The following PROK1 variants were observed in gnomAD, a reference collection of about 807,000 sequenced individuals.
PROK1 encodes prokineticin 1.
PROK1 carries 10 observed loss-of-function variants against 8.8 expected under a neutral mutation model. The observed-to-expected ratio is 1.13, with a 90% confidence interval of 0.70 to 1.92. The LOEUF (loss-of-function observed/expected upper bound fraction) is 1.92. Ranked by LOEUF, PROK1 falls within the 30% of genes most tolerant of loss-of-function variation. The pLI is 0.00. For synonymous variants in PROK1, 57 were observed against 56.0 expected, an observed-to-expected ratio of 1.02 and a Z score of -0.08; for missense variants, 140 against 139.7, an observed-to-expected ratio of 1.00 and a Z score of -0.01.
Position 110,456,597 on chromosome 1 carries a change from T to G in PROK1, c.*246T>G. ...TGAAAGGTGGCCAGCCTGGTTCTCTTCCCTGCTCAGGCTGCCAGAGAGGTG... is the reference window on the plus strand; with the variant it reads ...TGAAAGGTGGCCAGCCTGGTTCTCTGCCCTGCTCAGGCTGCCAGAGAGGTG... On this transcript the variant is annotated 3_prime_UTR_variant, in exon 3 of 3. Coordinates refer to ENST00000271331, the MANE Select transcript of PROK1 (RefSeq NM_032414.3). 3 of 539,452 alleles carry G rather than the reference T, an allele frequency of 5.6e-6. No homozygotes were observed. The highest frequency in any genetic ancestry group is 2.9e-5 in the Admixed American group (1 of 34,612). The allele number at this position is 539,452 out of a possible 1,614,324, so 33.4% of individuals were successfully genotyped here. A position where few individuals can be genotyped will look rare whatever the true frequency, so the allele number is the denominator to read the frequency against.
intron 2 of PROK1, among the ~76,000 whole-genome samples, chr1:110,455,667 T>A (rs72975135): frequency 6.6e-6 from 1 of 152,214 alleles, no homozygotes; most frequent in South Asian, 2.1e-4. Flanking sequence ...ATTTTACAAA[T>A]GATAAAGCTG....
intron 1 of PROK1, among the ~76,000 whole-genome samples, chr1:110,453,384 A>C (rs897238987): frequency 1.3e-5 from 2 of 152,308 alleles, no homozygotes; most frequent in Non-Finnish European, 2.9e-5. Flanking sequence ...TCTGGGAATC[A>C]TGGAAGTCAG....
intron 2 of PROK1, among the ~76,000 whole-genome samples, 160 bp from the exon 3 acceptor site, chr1:110,456,063 ACCTCGGTTT>A (rs1450645570): frequency 6.6e-6 from 1 of 152,136 alleles, no homozygotes; most frequent in Non-Finnish European, 1.5e-5. Context: ...GCCACACCGT[ACCTCGGTTT>A]CCTCATCTCT....
Position 110,456,443 on chromosome 1 carries a change from C to A in PROK1, c.*92C>A. On this transcript the variant is annotated 3_prime_UTR_variant, in exon 3 of 3. Transcript: ENST00000271331. ...CATGAAACCCAGCTCCCATGACTCT[C>A]CCAGTCCCTACACTGACTACCCTGA... is the stretch of plus-strand genomic sequence containing the variant. 1 of 1,509,782 alleles carries A rather than the reference C, an allele frequency of 6.6e-7. No individual in the cohort carries two copies. Among genetic ancestry groups the A allele is most frequent in the Non-Finnish European group, 9.1e-7 (1 of 1,097,510 alleles). 93.5% of individuals were successfully genotyped at this position (1,509,782 alleles called of 1,614,324 possible).
Position 110,451,227 on chromosome 1 carries a change from C to A in PROK1, c.11C>A (p.Ala4Asp). The stretch of plus-strand genomic sequence containing the variant: ...TCACCCCAAGTGACCATGAGAGGTG[C>A]CACGCGAGTCTCAATCATGCTCCTC... MRG[A>D]TRVSIMLLLV... Residue 4 changes from alanine to aspartate, a missense_variant, in exon 1 of 3, where the codon GCC becomes GAC. Physicochemically the swap from Ala to Asp is moderately radical, Grantham distance 126. Coordinates refer to ENST00000271331, the MANE Select transcript of PROK1 (RefSeq NM_032414.3). 1 of 1,614,128 alleles carries A rather than the reference C, an allele frequency of 6.2e-7. No homozygotes were observed. Among genetic ancestry groups the A allele is most frequent in the South Asian group, 1.1e-5 (1 of 91,082 alleles).
rs1276984331 is a variant in PROK1, at chr1:110,454,038, C to T, written c.150C>T (p.Cys50=). ...TGTGGCTTCGAGGGCTGCGGATGTG[C>T]ACCCCGCTGGGGCGGGAAGGCGAGG... ...ISLWLRGLRM[C]TPLGREGEEC... is the part of the protein sequence containing the mutation. Residue 50 remains cysteine (C), a synonymous_variant, in exon 2 of 3, where the codon TGC becomes TGT. Coordinates refer to ENST00000271331, the MANE Select transcript of PROK1 (RefSeq NM_032414.3). The T allele has an allele frequency of 4.3e-6, 7 of 1,614,108 alleles. No homozygotes were observed. Among genetic ancestry groups the T allele is most frequent in the Non-Finnish European group, 5.1e-6 (6 of 1,180,008 alleles).
chr1:110,451,338 G>C, intron 1 of PROK1, 50 bp downstream of exon 1: 2 of 1,530,910 alleles, frequency 1.3e-6, no homozygotes, highest in Non-Finnish European at 1.8e-6. Flanking sequence ...AGATGTCAGG[G>C]TCTGCACGGG....
At chr1:110,454,131 T>C (rs1262655221) in intron 2 of PROK1, 45 bp downstream of exon 2, 5 of 1,602,664 alleles carry the variant, frequency 3.1e-6, no homozygotes, top group Non-Finnish European at 4.3e-6. Flanking sequence ...GGGTGGGCCA[T>C]GCGGGGAGCA....
At chr1:110,451,583 A>C (rs899809784) in intron 1 of PROK1, among the ~76,000 whole-genome samples, 1 of 152,216 alleles carries the variant, frequency 6.6e-6, no homozygotes, top group Non-Finnish European at 1.5e-5. Context: ...GAAGATTCCT[A>C]TTAAGTAATA....
chr1:110,456,112 T>G, intron 2 of PROK1, 120 bp from the exon 3 acceptor site: 1 of 1,067,250 alleles, frequency 9.4e-7, no homozygotes, highest in Non-Finnish European at 1.4e-6. Context: ...CTAGGTGCAG[T>G]GGAGAAGTGG....
intron 2 of PROK1, among the ~76,000 whole-genome samples, chr1:110,455,975 A>G (rs1026277790): frequency 9.8e-5 from 15 of 152,304 alleles, no homozygotes; most frequent in Admixed American, 3.3e-4. Flanking sequence ...ATGTGTGCTG[A>G]GTCTCCAGAG....
At chr1:110,452,679 G>A (rs1156929202) in intron 1 of PROK1, among the ~76,000 whole-genome samples, 1 of 152,212 alleles carries the variant, frequency 6.6e-6, no homozygotes, top group Non-Finnish European at 1.5e-5. Context: ...GAACAGGGCA[G>A]TAAGGGGAAG....
At chr1:110,454,864 G>A (rs1002080703) in intron 2 of PROK1, among the ~76,000 whole-genome samples, 1 of 152,210 alleles carries the variant, frequency 6.6e-6, no homozygotes, top group Non-Finnish European at 1.5e-5. Context: ...GGACACAAAA[G>A]TAGACCCACA....
chr1:110,456,409 T>C lies in PROK1; in HGVS notation c.*58T>C, dbSNP rs1664174551. On this transcript the variant is annotated 3_prime_UTR_variant, in exon 3 of 3. Transcript: ENST00000271331. The stretch of plus-strand genomic sequence containing the variant: ...TTTTCCTGAGCACAGCCTGGATTTT[T>C]ATTTCTGCCATGAAACCCAGCTCCC... 20 of 1,608,138 alleles carry C rather than the reference T, an allele frequency of 1.2e-5. No homozygotes were observed. The South Asian group carries it at 2.1e-4, about 17-fold the overall frequency.
At position 110,456,498 on chromosome 1, in the gene PROK1, A is replaced by G. The variant is rs1281014430; in HGVS notation, c.*147A>G. On this transcript the variant is annotated 3_prime_UTR_variant, in exon 3 of 3. Coordinates refer to ENST00000271331, the MANE Select transcript of PROK1 (RefSeq NM_032414.3). ...TCTTGTCTAGTACGCACATATGCAC[A>G]CAGGCAGACATACCTCCCATCATGA... 1 of 970,562 alleles carries G rather than the reference A, an allele frequency of 1.0e-6. No individual in the cohort carries two copies. Among genetic ancestry groups the G allele is most frequent in the Non-Finnish European group, 1.6e-6 (1 of 627,948 alleles). The allele number at this position is 970,562 out of a possible 1,614,324, so 60.1% of individuals were successfully genotyped here.
At chr1:110,452,331 T>C (rs1196291525) in intron 1 of PROK1, among the ~76,000 whole-genome samples, 1 of 152,248 alleles carries the variant, frequency 6.6e-6, no homozygotes. Context: ...CAAATGCTTT[T>C]GAGATCCAAA....
chr1:110,456,138 T>G, intron 2 of PROK1, 94 bp from the exon 3 acceptor site: 2 of 1,386,786 alleles, frequency 1.4e-6, no homozygotes, highest in Non-Finnish European at 2.0e-6. Flanking sequence ...GGTGTGGGGG[T>G]GAGACTTTTG....
In PROK1 at chr1:110,455,194, A is replaced by G. The variant is rs61784664; in HGVS notation, c.199-1038A>G. Reference sequence around the variant, plus strand: ...AATTAGGGCATTTCCACAGGCTCTCAGGTGACTTGCTTTCCTCCCTGGGCC... The same window carrying G: ...AATTAGGGCATTTCCACAGGCTCTCGGGTGACTTGCTTTCCTCCCTGGGCC... On this transcript the variant is annotated intron_variant, in intron 2 of 2. Transcript: ENST00000271331. 5.1e-3 allele frequency among the ~76,000 whole-genome samples: 782 copies of G among 152,348 alleles called. 5 individuals are homozygous for G. The highest frequency in any genetic ancestry group is 0.011 in the Admixed American group (171 of 15,304).
Position 110,456,341 on chromosome 1 carries a change from T to C in PROK1, c.308T>C (p.Ile103Thr). 1.9e-6 allele frequency: 3 copies of C among 1,614,018 alleles called. No homozygotes were observed. The highest frequency in any genetic ancestry group is 2.5e-6 in the Non-Finnish European group (3 of 1,180,032). Residue 103 changes from isoleucine (I) to threonine (T), a missense_variant, in exon 3 of 3, where the codon ATC (isoleucine) becomes ACC (threonine). Transcript: ENST00000271331. Reference protein sequence around the residue: ...RYRCSMDLKNINF With the variant: ...RYRCSMDLKNTNF ...CGCTGCTCCATGGACTTGAAGAACA[T>C]CAATTTTTAGGCGCTTGCCTGGTCT...
Sources: allele counts gnomAD v4.1 joint callset (sites outside exome capture counted in the v4.1 genomes callset), GRCh38; gene constraint gnomAD v4.1.1; transcripts MANE v1.5; gene names NCBI Gene and HGNC (gene_info 2026-07-23, HGNC 2026-07-21).